The following ADCY9 variants were observed in gnomAD, a reference collection of about 807,000 sequenced individuals.
ADCY9 encodes the protein adenylate cyclase 9, also known as adenylate cyclase type 9.
A neutral mutation model predicts 101.5 loss-of-function variants in ADCY9; 50 were observed. That is an observed-to-expected ratio of 0.49 (90% CI 0.39 to 0.62). The LOEUF (loss-of-function observed/expected upper bound fraction) is 0.62. ADCY9 is among the 20% of genes least tolerant of loss of function. The probability of loss-of-function intolerance (pLI) is 0.00; values close to 1 mark genes in which losing one functional copy is unlikely to be tolerated. For missense variants in ADCY9, 1,662 were observed against 1,800.4 expected, an observed-to-expected ratio of 0.92 and a Z score of 1.39; for synonymous variants, 905 against 769.3, an observed-to-expected ratio of 1.18 and a Z score of -2.92.
intron 2 of ADCY9, among the ~76,000 whole-genome samples, chr16:4,105,458 G>A (rs1034408673): frequency 6.6e-5 from 10 of 150,666 alleles, no homozygotes; most frequent in African/African-American, 7.3e-5. Context: ...GATCACTTGA[G>A]GCCAAGATTT....
intron 2 of ADCY9, among the ~76,000 whole-genome samples, chr16:4,113,527 G>A (rs528811847): frequency 7.9e-5 from 12 of 152,100 alleles, no homozygotes; most frequent in Non-Finnish European, 1.8e-4. Flanking sequence ...TCTAAAGGTC[G>A]CGTCTAGGTC....
intron 2 of ADCY9, among the ~76,000 whole-genome samples, chr16:4,050,477 G>A (rs192299326): frequency 9.2e-5 from 14 of 152,274 alleles, no homozygotes; most frequent in Admixed American, 8.5e-4. Flanking sequence ...ACTCTGGGAA[G>A]CCAAGATGGA....
At chr16:4,063,489 G>T (rs930571508) in intron 2 of ADCY9, among the ~76,000 whole-genome samples, 4 of 152,186 alleles carry the variant, frequency 2.6e-5, no homozygotes, top group Admixed American at 2.6e-4. Flanking sequence ...TGGGACGATC[G>T]CTCAAGCCCA....
chr16:4,007,304 C>T (rs188757037), intron 3 of ADCY9, 64 bp downstream of exon 3: 46 of 1,384,618 alleles, frequency 3.3e-5, no homozygotes, highest in African/African-American at 4.3e-5. Flanking sequence ...TATTATTTCA[C>T]GTGCTCTACT....
chr16:3,965,785 T>C lies in ADCY9; in HGVS notation c.4052A>G (p.Lys1351Arg). The part of the protein sequence containing the change: ...ANELTKLNVS[K>R]SV ...CGGGTGGGCGCCGCCTCACACACTC[T>C]TTGAAACGTTGAGCTTGGTGAGTTC... The change falls in exon 11 of 11, where the codon AAG (lysine) becomes AGG (arginine). Residue 1351 changes from lysine (K) to arginine (R), a missense_variant. Coordinates refer to ENST00000294016, the MANE Select transcript of ADCY9 (RefSeq NM_001116.4). 6.2e-7 allele frequency: 1 copy of C among 1,612,526 alleles called. No individual in the cohort carries two copies. Among genetic ancestry groups the C allele is most frequent in the Non-Finnish European group, 8.5e-7 (1 of 1,179,204 alleles).
intron 8 of ADCY9, among the ~76,000 whole-genome samples, 175 bp downstream of exon 8, chr16:3,978,941 T>C (rs1381824819): frequency 6.6e-6 from 1 of 152,144 alleles, no homozygotes; most frequent in Non-Finnish European, 1.5e-5. Flanking sequence ...GGTCTCGATC[T>C]CTTGACCTTG....
chr16:4,046,085 A>G (rs898068017), intron 2 of ADCY9, among the ~76,000 whole-genome samples: 3 of 151,996 alleles, frequency 2.0e-5, no homozygotes, highest in Non-Finnish European at 2.9e-5. Flanking sequence ...TCCTGGGCTC[A>G]AGTGATACTC....
intron 2 of ADCY9, among the ~76,000 whole-genome samples, chr16:4,087,561 AAAG>A (rs1432744781): frequency 3.4e-5 from 5 of 149,178 alleles, no homozygotes; most frequent in African/African-American, 2.4e-5. Flanking sequence ...AAAAAAAAAA[AAAG>A]AAGAACAACA....
chr16:3,976,917 CA>C (rs1367953702), intron 9 of ADCY9, among the ~76,000 whole-genome samples: 1 of 152,226 alleles, frequency 6.6e-6, no homozygotes, highest in Non-Finnish European at 1.5e-5. Flanking sequence ...CTTGGCCTCC[CA>C]AAGTGCTGGG....
At chr16:3,991,860 A>T (rs568780972) in intron 5 of ADCY9, among the ~76,000 whole-genome samples, 2 of 150,552 alleles carry the variant, frequency 1.3e-5, no homozygotes, top group South Asian at 4.3e-4. Context: ...ACCCGAGGTC[A>T]GGAGTATGGA....
chr16:4,107,416 T>G (rs900875297), intron 2 of ADCY9, among the ~76,000 whole-genome samples: 4 of 151,764 alleles, frequency 2.6e-5, no homozygotes, highest in African/African-American at 9.7e-5. Flanking sequence ...CCGGGCGTGG[T>G]GGCGCACACC....
chr16:4,058,481 A>AG (rs1567132657), intron 2 of ADCY9, among the ~76,000 whole-genome samples: 3 of 151,914 alleles, frequency 2.0e-5, no homozygotes, highest in African/African-American at 7.3e-5. Context: ...AAAAAAAAAA[A>AG]AAGAAGAAGA....
At chr16:4,087,018 A>G (rs78885233) in intron 2 of ADCY9, among the ~76,000 whole-genome samples, 3,528 of 151,990 alleles carry the variant, frequency 0.023, 165 homozygotes, top group African/African-American at 0.08. Flanking sequence ...AAATCCTGCC[A>G]TCCTAGGAGC....
Position 4,039,707 on chromosome 16 carries a change from ATTG to A in ADCY9, c.1694-32152_1694-32150del, listed in dbSNP as rs762236088. On this transcript the variant is annotated intron_variant, in intron 2 of 10. Coordinates refer to ENST00000294016, the MANE Select transcript of ADCY9 (RefSeq NM_001116.4). ...AAAAAAAAAAAAAAAAAAAAGCAGG[ATTG>A]CACCCTTGAAAGTTAAAATTTTACT... Among the ~76,000 whole-genome samples, 7 of 145,316 alleles carry A rather than the reference ATTG, an allele frequency of 4.8e-5. No homozygotes were observed. The East Asian group carries it at 1.2e-3, about 25-fold the overall frequency.
chr16:3,962,063 AAACCCCTAC>A (rs2055942907), downstream of ADCY9, among the ~76,000 whole-genome samples: 1 of 152,150 alleles, frequency 6.6e-6, no homozygotes, highest in Non-Finnish European at 1.5e-5. Flanking sequence ...CTCATCAGGA[AAACCCCTAC>A]AGGGGAAGGG....
intron 2 of ADCY9, among the ~76,000 whole-genome samples, chr16:4,071,922 C>T (rs1038787656): frequency 3.3e-5 from 5 of 151,976 alleles, no homozygotes; most frequent in African/African-American, 4.8e-5. Context: ...GCGATTCTCG[C>T]GCCTCAGCCT....
downstream of ADCY9, among the ~76,000 whole-genome samples, chr16:3,961,790 C>G (rs532588112): frequency 2.2e-4 from 34 of 152,318 alleles, 1 homozygote; most frequent in South Asian, 6.8e-3. Flanking sequence ...CTTCGGGAGG[C>G]TGAGGCGCAC....
At chr16:3,980,302 A>C (rs778346918) in intron 7 of ADCY9, among the ~76,000 whole-genome samples, 9 of 152,340 alleles carry the variant, frequency 5.9e-5, no homozygotes, top group East Asian at 1.9e-4. Context: ...CTGTATAAAG[A>C]AGCAGCTGAG....
intron 3 of ADCY9, among the ~76,000 whole-genome samples, chr16:3,995,912 AT>A (rs2056283247): frequency 6.6e-6 from 1 of 152,250 alleles, no homozygotes; most frequent in Non-Finnish European, 1.5e-5. Context: ...GAAATCATTA[AT>A]TAACATATCT....
Sources: gnomAD v4.1 joint callset for allele counts (sites outside exome capture counted in the v4.1 genomes callset) on GRCh38, gnomAD v4.1.1 for gene constraint, MANE v1.5 for transcripts, NCBI Gene and HGNC (gene_info 2026-07-23, HGNC 2026-07-21) for gene names.